Variants in DPYS observed in about 807,000 individuals in gnomAD.
DPYS encodes the protein dihydropyrimidinase.
A neutral mutation model predicts 50.3 loss-of-function variants in DPYS; 39 were observed. That is an observed-to-expected ratio of 0.78 (90% CI 0.60 to 1.01). DPYS has a LOEUF of 1.01. Among genes scored for constraint, DPYS ranks in the 50% least tolerant of loss-of-function variants. The pLI, the probability that DPYS is intolerant of heterozygous loss-of-function variation, is 0.00. For synonymous variants in DPYS, 245 were observed against 250.7 expected, an observed-to-expected ratio of 0.98 and a Z score of 0.22; for missense variants, 659 against 680.9, an observed-to-expected ratio of 0.97 and a Z score of 0.36.
At chr8:104,417,625 C>T (rs945982821) in intron 7 of DPYS, among the ~76,000 whole-genome samples, 2 of 87,592 alleles carry the variant, frequency 2.3e-5, no homozygotes, top group East Asian at 2.4e-4. Flanking sequence ...CACATACTTC[C>T]GTCATAAGCA....
chr8:104,443,149 A>G (rs1813410623), intron 4 of DPYS, among the ~76,000 whole-genome samples: 1 of 152,240 alleles, frequency 6.6e-6, no homozygotes, highest in Admixed American at 6.5e-5. Context: ...GATTATCTGC[A>G]TTCCTAAAAT....
intron 9 of DPYS, chr8:104,380,972 A>G (rs1811011212): frequency 2.0e-6 from 1 of 510,320 alleles, no homozygotes; most frequent in Non-Finnish European, 3.6e-6. Context: ...CTAACATCTT[A>G]AAGAATGACT....
intron 8 of DPYS, among the ~76,000 whole-genome samples, chr8:104,390,148 G>C (rs1371807446): frequency 1.3e-5 from 2 of 152,162 alleles, no homozygotes; most frequent in African/African-American, 4.8e-5. Context: ...ATCCACTTCA[G>C]GCGTCACATA....
At chr8:104,399,916 A>T (rs576374938) in intron 7 of DPYS, among the ~76,000 whole-genome samples, 1 of 148,734 alleles carries the variant, frequency 6.7e-6, no homozygotes, top group African/African-American at 2.4e-5. Context: ...CCTGCTTTGG[A>T]GATAATCTGA....
At chr8:104,411,953 A>C (rs529548091) in intron 7 of DPYS, 1 of 152,370 alleles carries the variant, frequency 6.6e-6, no homozygotes, top group African/African-American at 2.4e-5. Flanking sequence ...AGAGAAATCA[A>C]GTTAGACAAA....
intron 1 of DPYS, among the ~76,000 whole-genome samples, chr8:104,460,744 G>A (rs1814097640): frequency 6.6e-6 from 1 of 152,154 alleles, no homozygotes; most frequent in East Asian, 1.9e-4. Flanking sequence ...TTAGCATCAA[G>A]TGGTTTCAGT....
intron 4 of DPYS, among the ~76,000 whole-genome samples, chr8:104,433,603 C>T (rs1813026078): frequency 6.6e-6 from 1 of 152,010 alleles, no homozygotes; most frequent in South Asian, 2.1e-4. Flanking sequence ...CACTGAACTC[C>T]AGCCTGGGCA....
chr8:104,418,105 A>G (rs1275380892), intron 7 of DPYS, among the ~76,000 whole-genome samples: 1 of 152,230 alleles, frequency 6.6e-6, no homozygotes, highest in Non-Finnish European at 1.5e-5. Context: ...GAAGCCAAAA[A>G]TCTTTAGCAA....
At chr8:104,415,651 G>A (rs1236889037) in intron 7 of DPYS, among the ~76,000 whole-genome samples, 1 of 151,570 alleles carries the variant, frequency 6.6e-6, no homozygotes, top group East Asian at 1.9e-4. Flanking sequence ...TGTTTGAACA[G>A]TTTCACTGCT....
chr8:104,460,204 G>T (rs1166912091), intron 1 of DPYS, among the ~76,000 whole-genome samples: 1 of 152,140 alleles, frequency 6.6e-6, no homozygotes, highest in East Asian at 1.9e-4. Context: ...ACATTTTATG[G>T]TTTGGCTCTG....
At chr8:104,411,290 C>G (rs1237309111) in intron 7 of DPYS, among the ~76,000 whole-genome samples, 2 of 152,190 alleles carry the variant, frequency 1.3e-5, no homozygotes, top group Non-Finnish European at 2.9e-5. Flanking sequence ...GTCCTCATCC[C>G]CCTCGCCTCC....
In DPYS at chr8:104,409,475, A is replaced by C. The variant is rs190219369; in HGVS notation, c.1235+14772T>G. Reference sequence around the variant, plus strand: ...ACTCCAGCCTGGGTGACAGAGAAATAAATTAATTAATTAAATAAAATTTAA... The same window carrying C: ...ACTCCAGCCTGGGTGACAGAGAAATCAATTAATTAATTAAATAAAATTTAA... On this transcript the variant is annotated intron_variant, in intron 7 of 9. Transcript: ENST00000351513. 2.0e-3 allele frequency among the ~76,000 whole-genome samples: 309 copies of C among 152,258 alleles called. 1 individual carries two copies. The highest frequency in any genetic ancestry group is 5.5e-3 in the African/African-American group (230 of 41,572).
At chr8:104,418,326 G>A (rs935940395) in intron 7 of DPYS, among the ~76,000 whole-genome samples, 2 of 152,070 alleles carry the variant, frequency 1.3e-5, no homozygotes, top group African/African-American at 4.8e-5. Context: ...GGAAAATTTG[G>A]GCCAACATCT....
chr8:104,437,545 A>T (rs1189673102), intron 4 of DPYS, among the ~76,000 whole-genome samples: 1 of 152,220 alleles, frequency 6.6e-6, no homozygotes, highest in East Asian at 1.9e-4. Context: ...GGCCTAAAAA[A>T]ATGAGGAACT....
intron 2 of DPYS, among the ~76,000 whole-genome samples, chr8:104,450,145 A>AGAAGGAAG (rs201375234): frequency 3.1e-5 from 2 of 65,394 alleles, no homozygotes; most frequent in African/African-American, 1.0e-4. Flanking sequence ...AAGAAAAGAA[A>AGAAGGAAG]GAAGGAAGGG....
intron 7 of DPYS, among the ~76,000 whole-genome samples, chr8:104,410,769 G>T (rs1812146863): frequency 6.6e-6 from 1 of 152,132 alleles, no homozygotes; most frequent in South Asian, 2.1e-4. Flanking sequence ...AGTCTGACAA[G>T]GACAAATCTC....
Position 104,466,772 on chromosome 8 carries a change from C to G in DPYS, c.149G>C (p.Arg50Pro). 2 of 1,534,230 alleles carry G rather than the reference C, an allele frequency of 1.3e-6. No individual in the cohort carries two copies. Among genetic ancestry groups the G allele is most frequent in the Non-Finnish European group, 1.7e-6 (2 of 1,145,766 alleles). The change falls in exon 1 of 10, where the codon CGG (arginine) becomes CCG (proline). Residue 50 changes from arginine (R) to proline (P), a missense_variant. Coordinates refer to ENST00000351513, the MANE Select transcript of DPYS (RefSeq NM_001385.3). Reference protein sequence around the residue: ...LPPGGAPAGLRVLDAAGKLVL... With the variant: ...LPPGGAPAGLPVLDAAGKLVL... Reference sequence around the variant, plus strand: ...GAGCTTGCCGGCGGCGTCGAGGACCCGCAGCCCCGCAGGAGCGCCCCCGGG... The same window carrying G: ...GAGCTTGCCGGCGGCGTCGAGGACCGGCAGCCCCGCAGGAGCGCCCCCGGG...
intron 7 of DPYS, among the ~76,000 whole-genome samples, chr8:104,401,369 A>G (rs1811803720): frequency 6.6e-6 from 1 of 151,512 alleles, no homozygotes; most frequent in Non-Finnish European, 1.5e-5. Context: ...AGAAAGATTA[A>G]TAACACTCAC....
At chr8:104,419,606 G>GA (rs1411721809) in intron 7 of DPYS, 1 of 152,170 alleles carries the variant, frequency 6.6e-6, no homozygotes, top group Non-Finnish European at 1.5e-5. Flanking sequence ...GTCTTTTGAT[G>GA]AAAATGGTTC....
Sources: gnomAD v4.1 joint callset for allele counts (sites outside exome capture counted in the v4.1 genomes callset) on GRCh38, gnomAD v4.1.1 for gene constraint, MANE v1.5 for transcripts, NCBI Gene and HGNC (gene_info 2026-07-23, HGNC 2026-07-21) for gene names.